Variants in SPHKAP observed in about 807,000 individuals in gnomAD.
SPHKAP encodes the protein A-kinase anchor protein SPHKAP.
In SPHKAP, 67 loss-of-function variants were observed where a neutral mutation model predicts 137.5. The observed-to-expected ratio is 0.49, with a 90% CI of 0.40 to 0.60. The LOEUF is 0.60. Among genes scored for constraint, SPHKAP ranks in the 20% least tolerant of loss-of-function variants. SPHKAP has a pLI of 0.00. For missense variants in SPHKAP, 2,097 were observed against 2,069.3 expected, an observed-to-expected ratio of 1.01 and a Z score of -0.26; for synonymous variants, 813 against 785.3, an observed-to-expected ratio of 1.04 and a Z score of -0.59.
chr2:228,030,404 C>T (rs2106236092), intron 3 of SPHKAP, among the ~76,000 whole-genome samples: 1 of 149,300 alleles, frequency 6.7e-6, no homozygotes, highest in African/African-American at 2.5e-5. Flanking sequence ...TTCCCAGCTA[C>T]TCAGGAGGCT....
At chr2:228,155,415 A>G (rs990789117) in intron 1 of SPHKAP, among the ~76,000 whole-genome samples, 1 of 152,224 alleles carries the variant, frequency 6.6e-6, no homozygotes, top group Non-Finnish European at 1.5e-5. Flanking sequence ...AAACAGAAAA[A>G]GTTTACTCAC....
chr2:228,034,766 C>A (rs1214060227), intron 3 of SPHKAP, among the ~76,000 whole-genome samples: 1 of 152,128 alleles, frequency 6.6e-6, no homozygotes, highest in African/African-American at 2.4e-5. Flanking sequence ...ATAAACAGAA[C>A]CAAAGATGAA....
At chr2:228,044,557 C>T (rs72973709) in intron 3 of SPHKAP, among the ~76,000 whole-genome samples, 13,250 of 152,054 alleles carry the variant, frequency 0.087, 650 homozygotes, top group Middle Eastern at 0.2. Flanking sequence ...AACAGACTGC[C>T]AAGTGTTGAG....
chr2:227,988,621 C>T (rs1228783427), intron 11 of SPHKAP, among the ~76,000 whole-genome samples: 1 of 152,166 alleles, frequency 6.6e-6, no homozygotes, highest in Non-Finnish European at 1.5e-5. Context: ...TCAGATACCA[C>T]CTGAAAATCT....
chr2:228,030,989 T>C (rs145547287), intron 3 of SPHKAP, among the ~76,000 whole-genome samples: 36 of 152,316 alleles, frequency 2.4e-4, no homozygotes, highest in Non-Finnish European at 5.0e-4. Context: ...CATTTCTATC[T>C]GAGGTACCAG....
At chr2:228,066,891 G>C (rs146476381) in intron 3 of SPHKAP, among the ~76,000 whole-genome samples, 72 of 152,232 alleles carry the variant, frequency 4.7e-4, no homozygotes, top group African/African-American at 1.6e-3. Flanking sequence ...TAATACTTCG[G>C]AAACTGTAAA....
At chr2:228,178,097 G>T (rs981705501) in intron 1 of SPHKAP, among the ~76,000 whole-genome samples, 1 of 152,090 alleles carries the variant, frequency 6.6e-6, no homozygotes, top group African/African-American at 2.4e-5. Flanking sequence ...TTGCTTTTAG[G>T]CTGCCCCCAT....
chr2:228,140,552 C>T (rs1021701840), intron 1 of SPHKAP, among the ~76,000 whole-genome samples: 1 of 152,028 alleles, frequency 6.6e-6, no homozygotes, highest in Admixed American at 6.6e-5. Flanking sequence ...TCATTATACC[C>T]GTTTTATAGA....
chr2:228,042,702 T>C (rs1218087807), intron 3 of SPHKAP, among the ~76,000 whole-genome samples: 1 of 152,248 alleles, frequency 6.6e-6, no homozygotes, highest in Non-Finnish European at 1.5e-5. Context: ...AATTATTTTT[T>C]CTGCCACCCA....
In SPHKAP at chr2:228,071,799, T is replaced by C. The variant is rs951118141; in HGVS notation, c.246+37033A>G. 2.0e-5 allele frequency among the ~76,000 whole-genome samples: 3 copies of C among 152,110 alleles called. No homozygotes were observed. In the South Asian group the frequency reaches 6.2e-4, roughly 31 times the overall value. On this transcript the variant is annotated intron_variant, in intron 3 of 11. Transcript: ENST00000392056. ...ATCAAGCAATTCAACCTTTTTTTTTTGTAATGTCAGGAAGGGGTTTCATAT... is the reference window on the plus strand; with the variant it reads ...ATCAAGCAATTCAACCTTTTTTTTTCGTAATGTCAGGAAGGGGTTTCATAT...
At chr2:228,037,502 A>G (rs1695668704) in intron 3 of SPHKAP, among the ~76,000 whole-genome samples, 1 of 152,184 alleles carries the variant, frequency 6.6e-6, no homozygotes, top group Non-Finnish European at 1.5e-5. Flanking sequence ...TCTTGATGGT[A>G]GAAGCATTCC....
chr2:227,983,657 T>A (rs946216517), intron 11 of SPHKAP, among the ~76,000 whole-genome samples: 11 of 152,344 alleles, frequency 7.2e-5, no homozygotes, highest in African/African-American at 2.4e-4. Flanking sequence ...ACATTTAGCA[T>A]CATTGAGGAC....
At chr2:228,026,414 T>C (rs1458541881) in intron 4 of SPHKAP, among the ~76,000 whole-genome samples, 1 of 152,208 alleles carries the variant, frequency 6.6e-6, no homozygotes, top group East Asian at 1.9e-4. Flanking sequence ...ATCTTCACAA[T>C]AACCCTACAT....
chr2:228,059,248 G>A (rs1048097632), intron 3 of SPHKAP, among the ~76,000 whole-genome samples: 2 of 152,110 alleles, frequency 1.3e-5, no homozygotes, highest in African/African-American at 2.4e-5. Context: ...CATTCCACTC[G>A]ATTAAATACC....
At chr2:228,165,211 T>C (rs1184343360) in intron 1 of SPHKAP, among the ~76,000 whole-genome samples, 1 of 151,858 alleles carries the variant, frequency 6.6e-6, no homozygotes, top group Non-Finnish European at 1.5e-5. Flanking sequence ...GGTCAATGAG[T>C]GACTCGGTAA....
chr2:228,092,141 A>ATATACGTATATGTATATATGTG (rs1697766063), intron 3 of SPHKAP, among the ~76,000 whole-genome samples: 1 of 130,440 alleles, frequency 7.7e-6, no homozygotes, highest in African/African-American at 3.0e-5. Flanking sequence ...ATGTGTGTAC[A>ATATACGTATATGTATATATGTG]CATATATACA....
chr2:228,039,226 T>C (rs1170405941), intron 3 of SPHKAP, among the ~76,000 whole-genome samples: 2 of 152,214 alleles, frequency 1.3e-5, no homozygotes, highest in African/African-American at 2.4e-5. Flanking sequence ...GAGCACTTCT[T>C]CTCTTGCTTC....
At chr2:228,035,773 C>T (rs961683808) in intron 3 of SPHKAP, among the ~76,000 whole-genome samples, 1 of 152,098 alleles carries the variant, frequency 6.6e-6, no homozygotes, top group Non-Finnish European at 1.5e-5. Flanking sequence ...CAAAAACAAG[C>T]AATGGGGAAA....
Position 228,020,137 on chromosome 2 carries a change from G to A in SPHKAP, c.717C>T (p.Val239=), listed in dbSNP as rs753401747. The A allele has an allele frequency of 1.9e-6, 3 of 1,602,698 alleles. No homozygotes were observed. The highest frequency in any genetic ancestry group is 2.2e-5 in the East Asian group (1 of 44,820). The part of the protein sequence containing the change: ...ESRNDYENIN[V]SANVLESKQL... ...GTTTACTTTCCAAAACATTGGCTGA[G>A]ACATTTATATTTTCATAATCTAGTG... The change falls in exon 7 of 12, where the codon GTC becomes GTT. Residue 239 remains valine, a synonymous_variant. Coordinates refer to ENST00000392056, the MANE Select transcript of SPHKAP (RefSeq NM_001142644.2).
Sources: gnomAD v4.1 joint callset for allele counts (sites outside exome capture counted in the v4.1 genomes callset) on GRCh38, gnomAD v4.1.1 for gene constraint, MANE v1.5 for transcripts, NCBI Gene and HGNC (gene_info 2026-07-23, HGNC 2026-07-21) for gene names.